The following SLIT3 variants were observed in gnomAD, a reference collection of about 807,000 sequenced individuals.
SLIT3 encodes the protein slit homolog 3 protein.
A neutral mutation model predicts 184.0 loss-of-function variants in SLIT3; 68 were observed. The ratio of observed to expected loss-of-function variants is 0.37; its 90% confidence interval spans 0.30 to 0.45. The LOEUF (loss-of-function observed/expected upper bound fraction) is 0.45, where lower values mean the gene tolerates loss of function less well. Ranked by LOEUF, SLIT3 falls within the 20% of genes least tolerant of loss-of-function variation. The pLI is 1.00. For synonymous variants in SLIT3, 831 were observed against 828.6 expected (o/e 1.00, Z -0.05); for missense variants, 1,707 against 2,026.0 (o/e 0.84, Z 3.02).
intron 20 of SLIT3, among the ~76,000 whole-genome samples, chr5:168,728,206 C>T (rs1256018535): frequency 6.6e-6 from 1 of 151,506 alleles, no homozygotes; most frequent in Non-Finnish European, 1.5e-5. Flanking sequence ...CTATGCCCTG[C>T]CGAGGAATTC....
chr5:169,252,886 G>T (rs1013108532), intron 1 of SLIT3, among the ~76,000 whole-genome samples: 1 of 152,068 alleles, frequency 6.6e-6, no homozygotes. Context: ...TTTGAGGAGG[G>T]ATTAATCTCC....
At chr5:168,753,172 G>T in intron 17 of SLIT3, 74 bp from the exon 18 acceptor site, 1 of 1,520,136 alleles carries the variant, frequency 6.6e-7, no homozygotes, top group Non-Finnish European at 9.0e-7. Flanking sequence ...ACGGTGGTGT[G>T]TGTGTGTGTA....
At chr5:169,201,716 C>A (rs947545412) in intron 3 of SLIT3, among the ~76,000 whole-genome samples, 1 of 152,156 alleles carries the variant, frequency 6.6e-6, no homozygotes, top group African/African-American at 2.4e-5. Context: ...ATGTGGCCTC[C>A]AAGGCTGCTG....
At chr5:168,901,970 C>T (rs1019739420) in intron 4 of SLIT3, among the ~76,000 whole-genome samples, 6 of 152,160 alleles carry the variant, frequency 3.9e-5, no homozygotes, top group Admixed American at 6.5e-5. Context: ...GGCGCGATCT[C>T]GGCTCACTGC....
chr5:168,946,059 G>C (rs907111647), intron 4 of SLIT3, among the ~76,000 whole-genome samples: 43 of 152,326 alleles, frequency 2.8e-4, no homozygotes, highest in African/African-American at 1.0e-3. Flanking sequence ...CAATGCTAGG[G>C]GGGAGTCACA....
At chr5:168,881,416 T>C (rs1759948309) in intron 5 of SLIT3, among the ~76,000 whole-genome samples, 1 of 152,264 alleles carries the variant, frequency 6.6e-6, no homozygotes, top group Non-Finnish European at 1.5e-5. Context: ...AGCAATTAAC[T>C]GTCCAGCTCT....
Position 169,181,461 on chromosome 5 carries a change from GC to G in SLIT3, c.413+12017del, listed in dbSNP as rs201298067. Among the ~76,000 whole-genome samples, 737 of 152,186 alleles carry G rather than the reference GC, an allele frequency of 4.8e-3. 5 individuals are homozygous for G. The highest frequency in any genetic ancestry group is 0.017 in the African/African-American group (707 of 41,496). On this transcript the variant is annotated intron_variant, in intron 4 of 35. Coordinates refer to ENST00000519560, the MANE Select transcript of SLIT3 (RefSeq NM_003062.4). The stretch of plus-strand genomic sequence containing the variant: ...CATCTTTAAAAAATTATTAAAGTTG[GC>G]CGGGTGCAGTGGCTCACACCTGTAA...
chr5:169,234,959 C>G (rs1487771311), intron 3 of SLIT3, among the ~76,000 whole-genome samples: 1 of 152,120 alleles, frequency 6.6e-6, no homozygotes, highest in African/African-American at 2.4e-5. Flanking sequence ...TGCTTAAGGA[C>G]TTTTTCCTTT....
rs34881862 is a variant in SLIT3 at position 169,140,480 on chromosome 5, C to CA, written c.413+52998dup. On this transcript the variant is annotated intron_variant, in intron 4 of 35. Transcript: ENST00000519560. Reference sequence around the variant, plus strand: ...GGGCAACAAGAGTGAAACTCTAACTCAAAAAAAAAAAAAAAAAAAAAAAAA... The same window carrying CA: ...GGGCAACAAGAGTGAAACTCTAACTCAAAAAAAAAAAAAAAAAAAAAAAAAA... 4.7e-3 allele frequency among the ~76,000 whole-genome samples: 220 copies of CA among 46,916 alleles called. 14 individuals carry two copies. Among genetic ancestry groups the CA allele is most frequent in the East Asian group, 0.014 (34 of 2,392 alleles). The allele number at this position is 46,916 out of a possible 152,430, so 30.8% of individuals were successfully genotyped here. A position where few individuals can be genotyped will look rare whatever the true frequency, so the allele number is the denominator to read the frequency against.
chr5:168,974,865 G>A (rs1263269754), intron 4 of SLIT3, among the ~76,000 whole-genome samples: 1 of 152,200 alleles, frequency 6.6e-6, no homozygotes, highest in Non-Finnish European at 1.5e-5. Flanking sequence ...AGAGGAGGTG[G>A]CCCTGGCCTT....
At chr5:168,843,284 G>A (rs1004710384) in intron 6 of SLIT3, among the ~76,000 whole-genome samples, 3 of 152,236 alleles carry the variant, frequency 2.0e-5, no homozygotes, top group Admixed American at 6.5e-5. Context: ...TGCGGGGCCA[G>A]GTGAAGAGGA....
At chr5:168,715,229 T>C (rs1330547319) in intron 23 of SLIT3, among the ~76,000 whole-genome samples, 2 of 152,240 alleles carry the variant, frequency 1.3e-5, no homozygotes, top group Non-Finnish European at 2.9e-5. Flanking sequence ...TCAGATATTT[T>C]GGTTTCTCAG....
intron 20 of SLIT3, among the ~76,000 whole-genome samples, chr5:168,745,155 G>C (rs1003868835): frequency 1.3e-5 from 2 of 152,228 alleles, no homozygotes; most frequent in Non-Finnish European, 2.9e-5. Flanking sequence ...GGAGGAAGTA[G>C]CTGCAGATAT....
intron 4 of SLIT3, among the ~76,000 whole-genome samples, chr5:169,154,324 T>C (rs968097264): frequency 6.6e-6 from 1 of 152,240 alleles, no homozygotes; most frequent in Non-Finnish European, 1.5e-5. Flanking sequence ...CATTTTGTTC[T>C]GCTTCTATTA....
At chr5:169,097,352 TG>T (rs1044923708) in intron 4 of SLIT3, among the ~76,000 whole-genome samples, 2 of 149,094 alleles carry the variant, frequency 1.3e-5, no homozygotes, top group Admixed American at 1.3e-4. Flanking sequence ...GAAAGGAAGA[TG>T]GATAGATAAA....
chr5:168,823,199 T>C (rs1757589436), intron 7 of SLIT3, 61 bp downstream of exon 7: 1 of 1,245,744 alleles, frequency 8.0e-7, no homozygotes, highest in Admixed American at 1.7e-5. Flanking sequence ...CAGCGTAGAG[T>C]GCTGCACTTT....
intron 4 of SLIT3, among the ~76,000 whole-genome samples, chr5:168,914,716 A>G (rs904537745): frequency 5.9e-5 from 9 of 151,952 alleles, no homozygotes; most frequent in Admixed American, 1.3e-4. Flanking sequence ...TCTGTACTGT[A>G]ATTTCCTAAT....
chr5:168,778,717 C>A (rs958043271), intron 12 of SLIT3, among the ~76,000 whole-genome samples: 3 of 152,208 alleles, frequency 2.0e-5, no homozygotes, highest in Non-Finnish European at 2.9e-5. Context: ...CAGGGACAAC[C>A]GTAGGACAGA....
chr5:168,917,162 C>G (rs1219147974), intron 4 of SLIT3, among the ~76,000 whole-genome samples: 2 of 152,212 alleles, frequency 1.3e-5, no homozygotes, highest in Non-Finnish European at 2.9e-5. Flanking sequence ...TAATAATCAT[C>G]AGGTTTAGAA....
Sources: gnomAD v4.1 joint callset for allele counts (sites outside exome capture counted in the v4.1 genomes callset) on GRCh38, gnomAD v4.1.1 for gene constraint, MANE v1.5 for transcripts, NCBI Gene and HGNC (gene_info 2026-07-23, HGNC 2026-07-21) for gene names.